LAMC1: variants seen among roughly 807,000 people sequenced by gnomAD.
The protein encoded by LAMC1 is laminin subunit gamma-1.
LAMC1 carries 38 observed loss-of-function variants against 173.6 expected under a neutral mutation model. That is an observed-to-expected ratio of 0.22 (90% confidence interval 0.17 to 0.29). LAMC1 has a LOEUF of 0.29. Among genes scored for constraint, LAMC1 ranks in the 10% least tolerant of loss-of-function variants. The pLI is 1.00. For synonymous variants in LAMC1, 746 were observed against 749.1 expected, an observed-to-expected ratio of 1.00 and a Z score of 0.07; for missense variants, 1,824 against 2,051.8, an observed-to-expected ratio of 0.89 and a Z score of 2.14.
chr1:183,070,107 T>C (rs1654976757), intron 1 of LAMC1, among the ~76,000 whole-genome samples: 2 of 152,344 alleles, frequency 1.3e-5, no homozygotes, highest in South Asian at 4.1e-4. Context: ...AGGTAAGAGA[T>C]TCTTAGACTT....
At chr1:183,097,387 G>A (rs1021679320) in intron 1 of LAMC1, among the ~76,000 whole-genome samples, 5 of 152,156 alleles carry the variant, frequency 3.3e-5, no homozygotes. Flanking sequence ...AGCCAGTAGT[G>A]AACCAGTGAC....
At chr1:183,135,498 A>G (rs1399643936) in intron 24 of LAMC1, among the ~76,000 whole-genome samples, 2 of 152,166 alleles carry the variant, frequency 1.3e-5, no homozygotes, top group African/African-American at 4.8e-5. Flanking sequence ...TAGAAGAGAA[A>G]TGTGACCAAT....
intron 1 of LAMC1, among the ~76,000 whole-genome samples, chr1:183,068,537 T>C (rs954161052): frequency 4.6e-5 from 7 of 152,214 alleles, no homozygotes; most frequent in Non-Finnish European, 1.0e-4. Context: ...CTCATTTTCC[T>C]CACAAGAACT....
At chr1:183,114,496 C>T in intron 4 of LAMC1, 35 bp from the exon 5 acceptor site, 1 of 1,607,674 alleles carries the variant, frequency 6.2e-7, no homozygotes, top group Non-Finnish European at 8.5e-7. Context: ...TAAAGGTACC[C>T]AGATCTGATG....
chr1:183,075,770 A>T (rs560662773), intron 1 of LAMC1, among the ~76,000 whole-genome samples: 25 of 152,280 alleles, frequency 1.6e-4, no homozygotes, highest in African/African-American at 5.8e-4. Flanking sequence ...GCCCATTTCA[A>T]GTGTTGTGTT....
intron 1 of LAMC1, among the ~76,000 whole-genome samples, chr1:183,050,961 C>T (rs958067719): frequency 5.3e-5 from 8 of 149,534 alleles, no homozygotes; most frequent in African/African-American, 2.0e-4. Flanking sequence ...TTAGATGTTA[C>T]AGTCCTAAAT....
chr1:183,072,849 T>C (rs1355410225), intron 1 of LAMC1, among the ~76,000 whole-genome samples: 1 of 152,240 alleles, frequency 6.6e-6, no homozygotes. Flanking sequence ...GGTTGCGTGC[T>C]CTTTATGAGA....
chr1:183,039,513 T>C (rs931913175), intron 1 of LAMC1, among the ~76,000 whole-genome samples: 2 of 152,226 alleles, frequency 1.3e-5, no homozygotes, highest in Non-Finnish European at 2.9e-5. Context: ...GGAACATCTG[T>C]AATGCAGCTG....
chr1:183,110,686 G>C, intron 4 of LAMC1, 32 bp downstream of exon 4: 1 of 1,604,440 alleles, frequency 6.2e-7, no homozygotes, highest in Non-Finnish European at 8.5e-7. Flanking sequence ...TCTGTCAGTT[G>C]TCTTAAGGAC....
chr1:183,106,889 A>G (rs892415999), intron 2 of LAMC1, among the ~76,000 whole-genome samples: 1 of 152,122 alleles, frequency 6.6e-6, no homozygotes, highest in African/African-American at 2.4e-5. Context: ...GCCTCTGCTT[A>G]TGTCACATTT....
At chr1:183,103,253 A>G (rs1178091761) in intron 1 of LAMC1, 75 bp from the exon 2 acceptor site, 7 of 1,386,210 alleles carry the variant, frequency 5.0e-6, no homozygotes, top group Non-Finnish European at 7.0e-6. Flanking sequence ...TCAAGTTCCA[A>G]ACTAAGCTGG....
intron 15 of LAMC1, 44 bp from the exon 16 acceptor site, chr1:183,126,072 TTAAA>T: frequency 1.3e-6 from 2 of 1,578,398 alleles, no homozygotes; most frequent in Non-Finnish European, 8.6e-7. Context: ...AAAGTTGTGC[TTAAA>T]GTCTGTTTTT....
Position 183,031,312 on chromosome 1 carries a change from C to CT in LAMC1, c.418+7187dup, listed in dbSNP as rs993412551. Among the ~76,000 whole-genome samples, 27 of 150,852 alleles carry CT rather than the reference C, an allele frequency of 1.8e-4. 1 individual carries two copies. The highest frequency in any genetic ancestry group is 2.1e-4 in the South Asian group (1 of 4,744). On this transcript the variant is annotated intron_variant, in intron 1 of 27. Coordinates refer to ENST00000258341, the MANE Select transcript of LAMC1 (RefSeq NM_002293.4). ...GCAGCAACAGTTGCTTCTTTTTTTT[C>CT]TTTTTTTTTGGAGACGAGTTTCGCT...
intron 2 of LAMC1, among the ~76,000 whole-genome samples, chr1:183,107,089 A>G (rs1655996983): frequency 6.6e-6 from 1 of 152,338 alleles, no homozygotes; most frequent in South Asian, 2.1e-4. Flanking sequence ...AACCTAGGGA[A>G]AAACTCTACA....
At chr1:183,040,203 T>A (rs1654090597) in intron 1 of LAMC1, among the ~76,000 whole-genome samples, 1 of 152,250 alleles carries the variant, frequency 6.6e-6, no homozygotes, top group Non-Finnish European at 1.5e-5. Flanking sequence ...GCTGTCTTTT[T>A]GTGCCTCCCG....
At chr1:183,101,622 T>C (rs1558048098) in intron 1 of LAMC1, among the ~76,000 whole-genome samples, 2 of 151,064 alleles carry the variant, frequency 1.3e-5, no homozygotes, top group South Asian at 2.1e-4. Flanking sequence ...TGTGTAGATC[T>C]TAGTTTGACC....
rs371197754 is a variant in LAMC1 at position 183,114,689 on chromosome 1, G to T, written c.1180G>T (p.Ala394Ser). The T allele has an allele frequency of 3.7e-6, 6 of 1,614,208 alleles. No homozygotes were observed. The highest frequency in any genetic ancestry group is 5.1e-6 in the Non-Finnish European group (6 of 1,180,042). Residue 394 changes from alanine (A) to serine (S), a missense_variant, in exon 5 of 28, where the codon GCC (alanine) becomes TCC (serine). Ala to Ser is a moderately conservative substitution (Grantham distance 99, BLOSUM62 1). Transcript: ENST00000258341. ...ENFFRLGNNE[A>S]CSSCHCSPVG... is the part of the protein sequence containing the mutation. ...CTTCTTCCGCCTTGGCAACAATGAAGCCTGCTCTTCATGCCACTGTAGTCC... is the reference window on the plus strand; with the variant it reads ...CTTCTTCCGCCTTGGCAACAATGAATCCTGCTCTTCATGCCACTGTAGTCC...
chr1:183,080,241 A>G (rs1655234260), intron 1 of LAMC1, among the ~76,000 whole-genome samples: 3 of 152,170 alleles, frequency 2.0e-5, no homozygotes. Context: ...CTCTGTCTTA[A>G]AAGAAAAAAA....
At chr1:183,041,852 G>T (rs896213082) in intron 1 of LAMC1, among the ~76,000 whole-genome samples, 1 of 152,160 alleles carries the variant, frequency 6.6e-6, no homozygotes, top group African/African-American at 2.4e-5. Flanking sequence ...AAAGTTTGCT[G>T]AATGAGTGAA....
Sources: allele counts gnomAD v4.1 joint callset (sites outside exome capture counted in the v4.1 genomes callset), GRCh38; gene constraint gnomAD v4.1.1; transcripts MANE v1.5; gene names NCBI Gene and HGNC (gene_info 2026-07-23, HGNC 2026-07-21).